Variants in PIBF1 observed in about 807,000 individuals in gnomAD.
The protein encoded by PIBF1 is progesterone-induced-blocking factor 1.
PIBF1 carries 90 observed loss-of-function variants against 112.5 expected under a neutral mutation model. The ratio of observed to expected loss-of-function variants is 0.80; its 90% CI spans 0.67 to 0.95. The LOEUF is 0.95. Ranked by LOEUF, PIBF1 falls within the 40% of genes least tolerant of loss-of-function variation. The probability of loss-of-function intolerance (pLI) is 0.00; values close to 1 mark genes in which losing one functional copy is unlikely to be tolerated. For synonymous variants in PIBF1, 301 were observed against 288.6 expected (o/e 1.04, Z -0.44); for missense variants, 915 against 852.3 (o/e 1.07, Z -0.92).
Position 72,830,036 on chromosome 13 carries a change from T to C in PIBF1, c.1097+2122T>C, listed in dbSNP as rs567491573. 5.3e-5 allele frequency among the ~76,000 whole-genome samples: 8 copies of C among 152,308 alleles called. No individual in the cohort carries two copies. The East Asian group carries it at 1.5e-3, about 29-fold the overall frequency. ...ATTCCTAGATATTTTATTCTCTTAGTAGCAGTTGTGAATGGGAGTTCACTC... is the reference window on the plus strand; with the variant it reads ...ATTCCTAGATATTTTATTCTCTTAGCAGCAGTTGTGAATGGGAGTTCACTC... On this transcript the variant is annotated intron_variant, in intron 8 of 17. Coordinates refer to ENST00000326291, the MANE Select transcript of PIBF1 (RefSeq NM_006346.4).
At chr13:72,789,101 G>A (rs146011857) in intron 2 of PIBF1, among the ~76,000 whole-genome samples, 11 of 152,244 alleles carry the variant, frequency 7.2e-5, no homozygotes, top group African/African-American at 2.6e-4. Context: ...GTAGAGCATT[G>A]TTAGCTTTAC....
intron 5 of PIBF1, among the ~76,000 whole-genome samples, chr13:72,801,874 G>A (rs1208651304): frequency 6.6e-6 from 1 of 152,158 alleles, no homozygotes; most frequent in Non-Finnish European, 1.5e-5. Context: ...GAAAATTTAT[G>A]ACATTGTAAG....
At chr13:72,952,763 G>A (rs1366148886) in intron 14 of PIBF1, among the ~76,000 whole-genome samples, 1 of 151,594 alleles carries the variant, frequency 6.6e-6, no homozygotes, top group East Asian at 1.9e-4. Context: ...TTGTGTGATG[G>A]CTTTCTCAGA....
chr13:72,783,650 CA>C lies in PIBF1; in HGVS notation c.182del (p.Gln61ArgfsTer3), dbSNP rs1343281834. On this transcript the variant is annotated frameshift_variant, in exon 2 of 18. Transcript: ENST00000326291. LOFTEE classifies it high-confidence loss of function. ...IERKELLHNI[Q>X]LLKIELSQKT... is the part of the protein sequence containing the mutation. ...ACGAAAAGAACTACTTCATAATATT[CA>C]GTTACTAAAAATTGAGCTATCCCAG... is the stretch of plus-strand genomic sequence containing the variant. 1 of 1,613,656 alleles carries C rather than the reference CA, an allele frequency of 6.2e-7. No individual in the cohort carries two copies. Among genetic ancestry groups the C allele is most frequent in the Non-Finnish European group, 8.5e-7 (1 of 1,179,622 alleles).
intron 14 of PIBF1, among the ~76,000 whole-genome samples, chr13:72,942,424 A>G (rs939634535): frequency 6.6e-6 from 1 of 152,046 alleles, no homozygotes; most frequent in Admixed American, 6.5e-5. Flanking sequence ...TTTGTCCTAT[A>G]TTGCACAACT....
intron 14 of PIBF1, 82 bp from the exon 15 acceptor site, chr13:72,965,192 C>A: frequency 1.7e-6 from 2 of 1,211,766 alleles, no homozygotes; most frequent in Non-Finnish European, 2.4e-6. Context: ...AATTTCTGTA[C>A]TATATTTGTG....
At chr13:72,844,765 ACACAC>A (rs1566348492) in intron 9 of PIBF1, among the ~76,000 whole-genome samples, 4 of 106,252 alleles carry the variant, frequency 3.8e-5, no homozygotes, top group Non-Finnish European at 6.3e-5. Context: ...ACACACACAC[ACACAC>A]ACACACACAC....
chr13:72,797,933 A>G lies in PIBF1; in HGVS notation c.579A>G (p.Pro193=). Residue 193 remains proline, a synonymous_variant, in exon 5 of 18, where the codon CCA becomes CCG. Coordinates refer to ENST00000326291, the MANE Select transcript of PIBF1 (RefSeq NM_006346.4). ...TTCGCTTCTATGAGCTAGTGAATCC[A>G]TTAAGAAAGGAAATCTGTGAACTAC... ...VSVRFYELVN[P]LRKEICELQV... is the part of the protein sequence containing the mutation. 1.2e-6 allele frequency: 2 copies of G among 1,606,180 alleles called. No homozygotes were observed. Among genetic ancestry groups the G allele is most frequent in the Non-Finnish European group, 8.5e-7 (1 of 1,176,622 alleles).
chr13:72,833,546 C>G (rs901099702), intron 8 of PIBF1, among the ~76,000 whole-genome samples: 1 of 152,206 alleles, frequency 6.6e-6, no homozygotes, highest in Non-Finnish European at 1.5e-5. Context: ...GGTCCCCTCC[C>G]GACCCTGTTT....
At chr13:72,977,686 G>A (rs2043058409) in intron 16 of PIBF1, among the ~76,000 whole-genome samples, 1 of 152,182 alleles carries the variant, frequency 6.6e-6, no homozygotes, top group African/African-American at 2.4e-5. Flanking sequence ...ACCACAGAGA[G>A]TTTTTATTTT....
intron 10 of PIBF1, chr13:72,884,745 T>C (rs1055089575): frequency 6.6e-6 from 1 of 152,264 alleles, no homozygotes. Context: ...AATATAATTA[T>C]AACATAATAT....
chr13:72,962,620 A>G (rs568993088), intron 14 of PIBF1, among the ~76,000 whole-genome samples: 3 of 152,004 alleles, frequency 2.0e-5, no homozygotes, highest in African/African-American at 7.2e-5. Flanking sequence ...GGAAGAAAAC[A>G]TTTAGGAATA....
intron 10 of PIBF1, among the ~76,000 whole-genome samples, chr13:72,876,558 C>T (rs945894926): frequency 6.6e-6 from 1 of 152,092 alleles, no homozygotes; most frequent in African/African-American, 2.4e-5. Context: ...CGTCTTCTTA[C>T]CCATATATGT....
chr13:72,933,231 T>C (rs930677992), intron 14 of PIBF1, among the ~76,000 whole-genome samples: 2 of 152,264 alleles, frequency 1.3e-5, no homozygotes, highest in African/African-American at 4.8e-5. Flanking sequence ...TTTCAGTTAA[T>C]TGAAATAAGA....
At chr13:72,961,755 G>A (rs2042613569) in intron 14 of PIBF1, among the ~76,000 whole-genome samples, 1 of 152,040 alleles carries the variant, frequency 6.6e-6, no homozygotes, top group Non-Finnish European at 1.5e-5. Context: ...CAAAGTAGGA[G>A]CTTGCTGACA....
intron 8 of PIBF1, among the ~76,000 whole-genome samples, chr13:72,834,027 AT>A (rs1692902045): frequency 6.6e-6 from 1 of 152,090 alleles, no homozygotes; most frequent in African/African-American, 2.4e-5. Context: ...CAGTTTTTTC[AT>A]TTGTGGCATA....
At chr13:72,832,170 G>A (rs912214567) in intron 8 of PIBF1, among the ~76,000 whole-genome samples, 17 of 134,672 alleles carry the variant, frequency 1.3e-4, no homozygotes, top group African/African-American at 3.9e-4. Flanking sequence ...CTTTGCAAAT[G>A]AGATGTGTCT....
At chr13:72,921,382 G>T (rs981612713) in intron 13 of PIBF1, among the ~76,000 whole-genome samples, 1 of 151,916 alleles carries the variant, frequency 6.6e-6, no homozygotes, top group African/African-American at 2.4e-5. Flanking sequence ...CAAACTACAA[G>T]GATTACAGGC....
chr13:72,971,924 T>C (rs1326469748), intron 15 of PIBF1, among the ~76,000 whole-genome samples: 1 of 149,108 alleles, frequency 6.7e-6, no homozygotes, highest in Non-Finnish European at 1.5e-5. Flanking sequence ...TAGCAGTTGC[T>C]GCAGATTGCC....
Sources: gnomAD v4.1 joint callset for allele counts (sites outside exome capture counted in the v4.1 genomes callset) on GRCh38, gnomAD v4.1.1 for gene constraint, MANE v1.5 for transcripts, NCBI Gene and HGNC (gene_info 2026-07-23, HGNC 2026-07-21) for gene names.